LYRM4: variants seen among roughly 807,000 people sequenced by gnomAD.
The protein encoded by LYRM4 is LYR motif-containing protein 4.
LYRM4 carries 9 observed loss-of-function variants against 11.7 expected under a neutral mutation model. The observed-to-expected ratio is 0.77, with a 90% confidence interval of 0.46 to 1.34. LYRM4 has a LOEUF of 1.34. Among genes scored for constraint, LYRM4 ranks in the 40% most tolerant of loss-of-function variants. The pLI is 0.00. For synonymous variants in LYRM4, 42 were observed against 40.4 expected (o/e 1.04, Z -0.15); for missense variants, 133 against 112.5 (o/e 1.18, Z -0.82).
chr6:5,068,284 G>GT, the LYRM4 span, among the ~76,000 whole-genome samples: 6 of 152,320 alleles, frequency 3.9e-5, no homozygotes, highest in East Asian at 1.2e-3. The surrounding 1 kb of genome is among the most constrained non-coding windows in gnomAD (Gnocchi z 4.0). Flanking sequence ...CAGAGCAAAG[G>GT]TAAACATGGT....
At chr6:5,068,925 C>T in the LYRM4 span, among the ~76,000 whole-genome samples, 2 of 152,278 alleles carry the variant, frequency 1.3e-5, no homozygotes, top group South Asian at 4.1e-4. This position sits in a 1 kb window ranked among gnomAD's most constrained non-coding sequence, Gnocchi z 4.0. Flanking sequence ...GATGTTTCTT[C>T]TTGCTTCAAT....
intron 1 of LYRM4, among the ~76,000 whole-genome samples, chr6:5,248,875 A>G (rs1232368562): frequency 1.3e-5 from 2 of 152,258 alleles, no homozygotes; most frequent in Non-Finnish European, 2.9e-5. Flanking sequence ...GCAAGGAACA[A>G]TGAGTCTGGC....
the LYRM4 span, among the ~76,000 whole-genome samples, chr6:5,081,562 C>G: frequency 6.6e-6 from 1 of 152,188 alleles, no homozygotes; most frequent in Admixed American, 6.5e-5. Context: ...AACATCAGGG[C>G]TGCTCAAAGC....
intron 2 of LYRM4, among the ~76,000 whole-genome samples, chr6:5,212,926 T>A (rs935881944): frequency 6.6e-6 from 1 of 152,158 alleles, no homozygotes; most frequent in African/African-American, 2.4e-5. Context: ...CTTCTTGGAA[T>A]GAGAGTAATC....
intron 1 of LYRM4, among the ~76,000 whole-genome samples, chr6:5,238,616 G>C (rs1220955036): frequency 6.6e-6 from 1 of 152,110 alleles, no homozygotes; most frequent in Admixed American, 6.5e-5. Context: ...CAAGTAACAG[G>C]GTGATTTAAT....
At chr6:5,237,049 C>T (rs1193638077) in intron 1 of LYRM4, among the ~76,000 whole-genome samples, 1 of 152,152 alleles carries the variant, frequency 6.6e-6, no homozygotes, top group Non-Finnish European at 1.5e-5. Context: ...CGTGGGAAAT[C>T]CCTCAAGGTA....
At chr6:5,104,236 G>A (rs575774317), downstream of LYRM4, 9 of 152,206 alleles carry the variant, frequency 5.9e-5, no homozygotes, top group East Asian at 1.7e-3. Context: ...CAGAGTTACG[G>A]GTAAAATCTT....
At chr6:5,046,980 A>C in the LYRM4 span, among the ~76,000 whole-genome samples, 1 of 152,138 alleles carries the variant, frequency 6.6e-6, no homozygotes, top group Admixed American at 6.5e-5. Flanking sequence ...GGTCTCAGCT[A>C]CTTGGGAGGC....
At chr6:5,226,587 A>C (rs1256693769) in intron 1 of LYRM4, among the ~76,000 whole-genome samples, 1 of 152,040 alleles carries the variant, frequency 6.6e-6, no homozygotes, top group Admixed American at 6.6e-5. Context: ...ATGTTGGTCA[A>C]GCTGGTCTCA....
At chr6:5,183,558 C>T (rs1378099519) in intron 2 of LYRM4, among the ~76,000 whole-genome samples, 1 of 152,192 alleles carries the variant, frequency 6.6e-6, no homozygotes, top group African/African-American at 2.4e-5. Context: ...AATAAGCTTA[C>T]TACTGAGTAA....
chr6:5,219,076 G>A (rs983674421), intron 1 of LYRM4, among the ~76,000 whole-genome samples: 1 of 152,156 alleles, frequency 6.6e-6, no homozygotes, highest in Non-Finnish European at 1.5e-5. Flanking sequence ...CATTTCGTAT[G>A]CTGCATGGGC....
rs199693785 is a variant in LYRM4, at chr6:5,218,076, TA to T, written c.87-1339del. 8.0e-3 allele frequency among the ~76,000 whole-genome samples: 1,209 copies of T among 150,560 alleles called. 5 individuals are homozygous for T. Among genetic ancestry groups the T allele is most frequent in the Middle Eastern group, 0.041 (12 of 294 alleles). On this transcript the variant is annotated intron_variant, in intron 1 of 2. Transcript: ENST00000330636. ...GCACCCACCACCACGCCTGGCTAATTAAAAAAAATTTTGGGGGATGGGGACT... is the reference window on the plus strand; with the variant it reads ...GCACCCACCACCACGCCTGGCTAATTAAAAAAATTTTGGGGGATGGGGACT...
intron 2 of LYRM4, among the ~76,000 whole-genome samples, chr6:5,208,295 T>C (rs17139776): frequency 0.024 from 3,627 of 152,342 alleles, 114 homozygotes; most frequent in African/African-American, 0.078. Flanking sequence ...TAAAATATCA[T>C]CTGAGCTGAG....
At chr6:5,065,392 C>T in the LYRM4 span, among the ~76,000 whole-genome samples, 2 of 152,212 alleles carry the variant, frequency 1.3e-5, no homozygotes, top group Admixed American at 6.5e-5. Flanking sequence ...TTCTGTAGTA[C>T]TTGACAATAC....
At chr6:5,066,031 T>A in the LYRM4 span, 1 of 356,648 alleles carries the variant, frequency 2.8e-6, no homozygotes. Flanking sequence ...AAAAAATATA[T>A]TACAGTTAAT....
chr6:5,213,016 T>C (rs558763773), intron 2 of LYRM4, among the ~76,000 whole-genome samples: 122 of 152,312 alleles, frequency 8.0e-4, no homozygotes, highest in Non-Finnish European at 1.2e-3. Flanking sequence ...CTGAAGATCT[T>C]GCACATTAAG....
downstream of LYRM4, chr6:5,106,737 T>C (rs1561799085): frequency 1.3e-5 from 2 of 152,294 alleles, no homozygotes; most frequent in East Asian, 3.9e-4. Context: ...GGCCAATGAG[T>C]TCTGCCTGGG....
At chr6:5,067,586 C>T in the LYRM4 span, among the ~76,000 whole-genome samples, 2 of 152,158 alleles carry the variant, frequency 1.3e-5, no homozygotes, top group African/African-American at 4.8e-5. Flanking sequence ...TGTACATTAC[C>T]ACTTCTGCAG....
chr6:5,047,708 T>G, the LYRM4 span, among the ~76,000 whole-genome samples: 3 of 152,202 alleles, frequency 2.0e-5, no homozygotes, highest in African/African-American at 7.2e-5. Flanking sequence ...GAGTGACATA[T>G]TCAAAAAACC....
Sources: allele counts gnomAD v4.1 joint callset (sites outside exome capture counted in the v4.1 genomes callset), GRCh38; gene constraint gnomAD v4.1.1; non-coding constraint Gnocchi (gnomAD v3.1); transcripts MANE v1.5; gene names NCBI Gene and HGNC (gene_info 2026-07-23, HGNC 2026-07-21).